The following UBR3 variants were observed in gnomAD, a reference collection of about 807,000 sequenced individuals.
UBR3 encodes the protein E3 ubiquitin-protein ligase UBR3.
In UBR3, 85 loss-of-function variants were observed where a neutral mutation model predicts 243.2. That is an observed-to-expected ratio of 0.35 (90% CI 0.29 to 0.42). The LOEUF is 0.42. Ranked by LOEUF, UBR3 falls within the 10% of genes least tolerant of loss-of-function variation. The pLI is 1.00. For missense variants in UBR3, 1,686 were observed against 2,300.8 expected (o/e 0.73, Z 5.47); for synonymous variants, 748 against 799.8 (o/e 0.94, Z 1.09).
At chr2:169,956,203 A>T (rs1195114248) in intron 23 of UBR3, among the ~76,000 whole-genome samples, 1 of 145,884 alleles carries the variant, frequency 6.9e-6, no homozygotes, top group African/African-American at 2.5e-5. Flanking sequence ...GACACCTATA[A>T]CTCTCTCTCT....
intron 20 of UBR3, among the ~76,000 whole-genome samples, chr2:169,945,747 G>T (rs2086765784): frequency 6.6e-6 from 1 of 152,254 alleles, no homozygotes; most frequent in East Asian, 1.9e-4. Context: ...GATGTATAAG[G>T]CTTGTATTGA....
chr2:169,868,278 T>G (rs529291221), intron 1 of UBR3, among the ~76,000 whole-genome samples: 28 of 152,276 alleles, frequency 1.8e-4, no homozygotes, highest in African/African-American at 6.5e-4. Flanking sequence ...AGGTCCCATA[T>G]ATTAGAGCGT....
At chr2:169,950,419 C>G (rs531685998) in intron 23 of UBR3, among the ~76,000 whole-genome samples, 1 of 151,982 alleles carries the variant, frequency 6.6e-6, no homozygotes, top group African/African-American at 2.4e-5. Context: ...TAAAATATTT[C>G]TCAAAATAAA....
Position 170,046,545 on chromosome 2 carries a change from T to C in UBR3, c.4660+5560T>C, listed in dbSNP as rs550871570. 1.4e-4 allele frequency among the ~76,000 whole-genome samples: 22 copies of C among 152,326 alleles called. 1 individual carries two copies. The South Asian group carries it at 4.6e-3, about 32-fold the overall frequency. On this transcript the variant is annotated intron_variant, in intron 32 of 38. Coordinates refer to ENST00000272793, the MANE Select transcript of UBR3 (RefSeq NM_172070.4). ...GCAGATAGATTTAGATGGAATCAGT[T>C]TCTTATTTCTTTTTACAAAAATACT...
At chr2:169,879,200 CTT>C (rs1449386285) in intron 5 of UBR3, among the ~76,000 whole-genome samples, 2 of 151,394 alleles carry the variant, frequency 1.3e-5, no homozygotes, top group East Asian at 3.9e-4. Flanking sequence ...GCTTATTCAA[CTT>C]AAATTTTATA....
intron 23 of UBR3, among the ~76,000 whole-genome samples, chr2:169,958,061 T>A (rs564889331): frequency 8.0e-5 from 12 of 149,688 alleles, no homozygotes; most frequent in African/African-American, 2.7e-4. Flanking sequence ...CAGTTTACTG[T>A]TATTTGTGCC....
chr2:169,867,150 G>A (rs964308230), intron 1 of UBR3, among the ~76,000 whole-genome samples: 3 of 152,220 alleles, frequency 2.0e-5, no homozygotes, highest in African/African-American at 2.4e-5. Flanking sequence ...AACATTATAC[G>A]TAGAATTAAC....
At chr2:170,038,555 C>T (rs1443518043) in intron 31 of UBR3, among the ~76,000 whole-genome samples, 1 of 152,098 alleles carries the variant, frequency 6.6e-6, no homozygotes, top group Non-Finnish European at 1.5e-5. Context: ...AGATTGAATA[C>T]TTAAAGGCAG....
intron 19 of UBR3, among the ~76,000 whole-genome samples, chr2:169,937,334 G>A (rs1032057536): frequency 9.9e-5 from 15 of 152,094 alleles, no homozygotes; most frequent in Admixed American, 2.0e-4. Flanking sequence ...CGTATCCTTC[G>A]CCCACTTTTT....
At chr2:170,056,003 C>CTTTTTTTTTTTTTTTTTTTTTTTTTT (rs34415442) in intron 33 of UBR3, among the ~76,000 whole-genome samples, 1 of 88,916 alleles carries the variant, frequency 1.1e-5, no homozygotes. Flanking sequence ...TCTTTTCTTT[C>CTTTTTTTTTTTTTTTTTTTTTTTTTT]TTTTTTTTTT....
intron 1 of UBR3, among the ~76,000 whole-genome samples, chr2:169,846,154 G>A (rs1191024435): frequency 6.6e-6 from 1 of 152,130 alleles, no homozygotes; most frequent in East Asian, 1.9e-4. Flanking sequence ...TGAGAATGGT[G>A]TTGAAGTCTC....
intron 38 of UBR3, among the ~76,000 whole-genome samples, chr2:170,081,125 CGGCTGCAGTGAGCT>C (rs2091897978): frequency 6.6e-5 from 10 of 152,072 alleles, no homozygotes; most frequent in Admixed American, 6.6e-4. Context: ...CAGCAGGTGG[CGGCTGCAGTGAGCT>C]GTGATCGTGC....
At position 169,898,944 on chromosome 2, in the gene UBR3, G is replaced by A. The variant is rs567425382; in HGVS notation, c.1465+2209G>A. Among the ~76,000 whole-genome samples the A allele has an allele frequency of 2.3e-4, 35 of 151,702 alleles. 1 individual carries two copies. In the South Asian group the frequency reaches 6.3e-3, roughly 27 times the overall value. Reference sequence around the variant, plus strand: ...TCTCGATATCCTAACCTTGTGATCCGCCTGCCTCGGCCTCCCAAAGTGCTG... The same window carrying A: ...TCTCGATATCCTAACCTTGTGATCCACCTGCCTCGGCCTCCCAAAGTGCTG... On this transcript the variant is annotated intron_variant, in intron 8 of 38. Transcript: ENST00000272793.
intron 29 of UBR3, 154 bp from the exon 30 acceptor site, chr2:170,015,127 A>G (rs2090197055): frequency 3.6e-6 from 2 of 555,596 alleles, no homozygotes; most frequent in South Asian, 5.3e-5. Context: ...TAAATATCAG[A>G]TAAATATGAT....
At chr2:169,983,251 C>CTTTTTTTTT (rs2088833292) in intron 24 of UBR3, among the ~76,000 whole-genome samples, 2 of 115,474 alleles carry the variant, frequency 1.7e-5, no homozygotes, top group East Asian at 4.7e-4. Context: ...CATTCTCTCT[C>CTTTTTTTTT]CTTTTTTTTT....
intron 25 of UBR3, among the ~76,000 whole-genome samples, 200 bp downstream of exon 25, chr2:169,986,994 C>G (rs1407773263): frequency 6.6e-6 from 1 of 152,154 alleles, no homozygotes; most frequent in African/African-American, 2.4e-5. Flanking sequence ...AAACTCCTAA[C>G]AGAGATCTTG....
intron 1 of UBR3, among the ~76,000 whole-genome samples, chr2:169,859,819 C>T (rs187904970): frequency 2.0e-4 from 30 of 152,146 alleles, no homozygotes; most frequent in Admixed American, 1.6e-3. Context: ...TGGGTTCAAG[C>T]GATTCTTCTG....
chr2:170,074,258 G>A (rs920152344), intron 36 of UBR3, among the ~76,000 whole-genome samples: 1 of 152,136 alleles, frequency 6.6e-6, no homozygotes. Flanking sequence ...CTATTTTTCT[G>A]ATTGTAAAAC....
Position 169,950,016 on chromosome 2 carries a change from C to T in UBR3, c.3496C>T (p.Pro1166Ser), listed in dbSNP as rs1218025478. Residue 1166 changes from proline (P) to serine (S), a missense_variant, in exon 23 of 39, where the codon CCT (proline) becomes TCT (serine). This residue lies in a region of UBR3 where 300 missense variants were observed against 314.4 expected (regional missense o/e 0.95). Coordinates refer to ENST00000272793, the MANE Select transcript of UBR3 (RefSeq NM_172070.4). ...ICRKVTPPVP[P>S]KKVTAAEKKT... is the part of the protein sequence containing the mutation. ...TAGAAAAGTGACCCCTCCTGTACCA[C>T]CTAAAAAAGTCACTGCAGCAGAGAA... 10 of 1,587,408 alleles carry T rather than the reference C, an allele frequency of 6.3e-6. No homozygotes were observed. The highest frequency in any genetic ancestry group is 1.4e-5 in the African/African-American group (1 of 73,362).
Sources: gnomAD v4.1 joint callset for allele counts (sites outside exome capture counted in the v4.1 genomes callset) on GRCh38, gnomAD v4.1.1 for gene constraint, gnomAD v4.1.1 regional missense constraint, MANE v1.5 for transcripts, NCBI Gene and HGNC (gene_info 2026-07-23, HGNC 2026-07-21) for gene names.